ANO5: variants seen among roughly 807,000 people sequenced by gnomAD.
ANO5 encodes anoctamin 5.
A neutral mutation model predicts 121.0 loss-of-function variants in ANO5; 109 were observed. The ratio of observed to expected loss-of-function variants is 0.90; its 90% CI spans 0.77 to 1.06. The LOEUF is 1.06. Among genes scored for constraint, ANO5 ranks in the 50% least tolerant of loss-of-function variants. The pLI is 0.00. For missense variants in ANO5, 1,064 were observed against 1,078.5 expected, an observed-to-expected ratio of 0.99 and a Z score of 0.19; for synonymous variants, 406 against 359.9, an observed-to-expected ratio of 1.13 and a Z score of -1.45.
rs1425736939 is a variant in ANO5 at position 22,259,481 on chromosome 11, A to G, written c.1408-38A>G. On this transcript the variant is annotated intron_variant, in intron 14 of 21. Coordinates refer to ENST00000324559, the MANE Select transcript of ANO5 (RefSeq NM_213599.3). ...AGATATATATTCATAACAGAGATACAGAGACCCAAATAGCAGTTCTTTGTT... is the reference window on the plus strand; with the variant it reads ...AGATATATATTCATAACAGAGATACGGAGACCCAAATAGCAGTTCTTTGTT... 4 of 1,552,090 alleles carry G rather than the reference A, an allele frequency of 2.6e-6. No individual in the cohort carries two copies. The Admixed American group carries it at 6.7e-5, about 26-fold the overall frequency.
intron 9 of ANO5, among the ~76,000 whole-genome samples, chr11:22,244,250 G>A (rs542189440): frequency 3.9e-5 from 6 of 152,176 alleles, no homozygotes; most frequent in African/African-American, 9.6e-5. Flanking sequence ...CTTCTGGCTT[G>A]TAAGATTTCT....
chr11:22,271,775 T>C (rs1368063638), intron 18 of ANO5, among the ~76,000 whole-genome samples: 3 of 152,198 alleles, frequency 2.0e-5, no homozygotes, highest in African/African-American at 7.2e-5. Flanking sequence ...CATAGGTTAA[T>C]AAATTTTTTA....
chr11:22,251,914 C>T (rs1252453174), intron 12 of ANO5, among the ~76,000 whole-genome samples: 1 of 150,956 alleles, frequency 6.6e-6, no homozygotes, highest in Non-Finnish European at 1.5e-5. Flanking sequence ...CCTGTAGTTC[C>T]AGCTACTTGG....
At chr11:22,276,330 T>G (rs1854848377) in intron 21 of ANO5, 131 bp downstream of exon 21, 2 of 765,310 alleles carry the variant, frequency 2.6e-6, no homozygotes, top group Non-Finnish European at 4.5e-6. Context: ...GTATTTGTAG[T>G]CATAAAAAGC....
chr11:22,272,793 T>C lies in ANO5; in HGVS notation c.2039T>C (p.Phe680Ser), dbSNP rs777640863. Reference sequence around the variant, plus strand: ...TTTCTTTTCTCTACAGTTACTCAATTTGGATTTGTTACACTATTTGTGGCC... The same window carrying C: ...TTTCTTTTCTCTACAGTTACTCAATCTGGATTTGTTACACTATTTGTGGCC... ...FYEYLETVTQ[F>S]GFVTLFVASF... is the part of the protein sequence containing the mutation. Residue 680 changes from phenylalanine to serine, a missense_variant, in exon 19 of 22, where the codon TTT (phenylalanine) becomes TCT (serine). Transcript: ENST00000324559. 2.5e-6 allele frequency: 4 copies of C among 1,613,692 alleles called. No homozygotes were observed. The African/African-American group carries it at 5.3e-5, about 22-fold the overall frequency.
chr11:22,279,008 A>G (rs1854974773), intron 21 of ANO5, among the ~76,000 whole-genome samples: 1 of 151,782 alleles, frequency 6.6e-6, no homozygotes, highest in African/African-American at 2.4e-5. Flanking sequence ...GCATGGAGTG[A>G]AAGAATACCT....
intron 9 of ANO5, among the ~76,000 whole-genome samples, chr11:22,244,714 G>T (rs2133684590): frequency 6.6e-6 from 1 of 151,874 alleles, no homozygotes; most frequent in African/African-American, 2.4e-5. Context: ...TGTAGTGATT[G>T]CTTCCATTCC....
At chr11:22,265,191 A>C (rs1425492505) in intron 17 of ANO5, among the ~76,000 whole-genome samples, 1 of 152,172 alleles carries the variant, frequency 6.6e-6, no homozygotes, top group Non-Finnish European at 1.5e-5. Flanking sequence ...ACCAAAGATA[A>C]ACAGACAATC....
At chr11:22,207,821 A>C (rs1236912842) in intron 2 of ANO5, among the ~76,000 whole-genome samples, 1 of 152,048 alleles carries the variant, frequency 6.6e-6, no homozygotes, top group Non-Finnish European at 1.5e-5. Context: ...GAACCCATAA[A>C]ATTTAAATAT....
At chr11:22,197,167 A>T (rs1446099691) in intron 1 of ANO5, among the ~76,000 whole-genome samples, 1 of 152,172 alleles carries the variant, frequency 6.6e-6, no homozygotes, top group African/African-American at 2.4e-5. Context: ...TAGATCTAAG[A>T]TTTATTACAT....
chr11:22,263,091 T>C, intron 17 of ANO5, 48 bp downstream of exon 17: 1 of 1,470,274 alleles, frequency 6.8e-7, no homozygotes, highest in East Asian at 2.3e-5. Context: ...AACCATGAGA[T>C]ATTTCCTCTA....
chr11:22,235,390 A>G (rs1853180830), intron 7 of ANO5, among the ~76,000 whole-genome samples: 1 of 152,120 alleles, frequency 6.6e-6, no homozygotes, highest in Admixed American at 6.6e-5. Flanking sequence ...GAGATGGAAT[A>G]TGGAGCTGCT....
chr11:22,253,960 G>A (rs1297558925), intron 12 of ANO5, among the ~76,000 whole-genome samples: 1 of 152,132 alleles, frequency 6.6e-6, no homozygotes, highest in Non-Finnish European at 1.5e-5. Context: ...TAAGCAAGAT[G>A]AATAAGGTCT....
At chr11:22,193,707 G>C (rs1423437394) in intron 1 of ANO5, among the ~76,000 whole-genome samples, 175 bp downstream of exon 1, 1 of 152,156 alleles carries the variant, frequency 6.6e-6, no homozygotes, top group Non-Finnish European at 1.5e-5. Context: ...TCCCCCGCCT[G>C]GGGTGAGTGG....
chr11:22,262,175 A>T lies in ANO5; in HGVS notation c.1677A>T (p.Lys559Asn). The change falls in exon 16 of 22, where the codon AAA becomes AAT. Residue 559 changes from lysine to asparagine, a missense_variant. Lys to Asn is a moderately conservative substitution (Grantham distance 94). Transcript: ENST00000324559. ...YQEYESSLTL[K>N]MFLFQFVNFY... ...AGTATGAGAGCAGTCTTACCTTGAAAATGTTCCTGTTTCAGTTTGTAAATT... is the reference window on the plus strand; with the variant it reads ...AGTATGAGAGCAGTCTTACCTTGAATATGTTCCTGTTTCAGTTTGTAAATT... 2 of 1,613,994 alleles carry T rather than the reference A, an allele frequency of 1.2e-6. No individual in the cohort carries two copies. Among genetic ancestry groups the T allele is most frequent in the Non-Finnish European group, 1.7e-6 (2 of 1,179,970 alleles).
intron 1 of ANO5, among the ~76,000 whole-genome samples, chr11:22,198,473 T>C (rs897470288): frequency 3.3e-5 from 5 of 152,230 alleles, no homozygotes; most frequent in African/African-American, 1.2e-4. Flanking sequence ...TCTGGGGGAT[T>C]CATATTGTCC....
intron 8 of ANO5, among the ~76,000 whole-genome samples, chr11:22,237,883 T>A (rs1013710010): frequency 6.6e-6 from 1 of 152,140 alleles, no homozygotes; most frequent in African/African-American, 2.4e-5. Flanking sequence ...AATCCCAGCA[T>A]GATCAAGTTC....
intron 1 of ANO5, among the ~76,000 whole-genome samples, chr11:22,202,716 C>T (rs1361205370): frequency 6.6e-6 from 1 of 152,144 alleles, no homozygotes; most frequent in Non-Finnish European, 1.5e-5. Context: ...GCACCATGAG[C>T]ACATTCAGAC....
At chr11:22,214,297 A>G (rs1032660838) in intron 3 of ANO5, among the ~76,000 whole-genome samples, 6 of 151,856 alleles carry the variant, frequency 4.0e-5, no homozygotes, top group Non-Finnish European at 7.4e-5. Flanking sequence ...TTCTGACTAG[A>G]TGCTCCAAAT....
Sources: gnomAD v4.1 joint callset for allele counts (sites outside exome capture counted in the v4.1 genomes callset) on GRCh38, gnomAD v4.1.1 for gene constraint, MANE v1.5 for transcripts, NCBI Gene and HGNC (gene_info 2026-07-23, HGNC 2026-07-21) for gene names.